SOX5: variants seen among roughly 807,000 people sequenced by gnomAD.
SOX5 encodes the protein transcription factor SOX-5.
In SOX5, 9 loss-of-function variants were observed where a neutral mutation model predicts 92.0. The ratio of observed to expected loss-of-function variants is 0.10; its 90% CI spans 0.06 to 0.17. The LOEUF is 0.17. Ranked by LOEUF, SOX5 falls within the 10% of genes least tolerant of loss-of-function variation. The pLI, the probability that SOX5 is intolerant of heterozygous loss-of-function variation, is 1.00. For synonymous variants in SOX5, 344 were observed against 336.3 expected, an observed-to-expected ratio of 1.02 and a Z score of -0.25; for missense variants, 642 against 944.5, an observed-to-expected ratio of 0.68 and a Z score of 4.20.
chr12:23,611,511 T>C (rs1381723468), intron 8 of SOX5, among the ~76,000 whole-genome samples: 1 of 152,094 alleles, frequency 6.6e-6, no homozygotes, highest in African/African-American at 2.4e-5. Context: ...AGTACAGATA[T>C]CTCTTCAACA....
intron 3 of SOX5, among the ~76,000 whole-genome samples, chr12:24,249,093 C>A (rs1053749626): frequency 6.6e-6 from 1 of 152,194 alleles, no homozygotes; most frequent in Admixed American, 6.5e-5. Flanking sequence ...TAATATTTAT[C>A]CTGAAGCAGT....
At chr12:24,003,608 C>A (rs1036550760) in intron 4 of SOX5, among the ~76,000 whole-genome samples, 1 of 151,930 alleles carries the variant, frequency 6.6e-6, no homozygotes, top group Non-Finnish European at 1.5e-5. Flanking sequence ...TCGTACAAGA[C>A]TTGTATGCTG....
At chr12:24,038,161 A>G (rs1956218077) in intron 4 of SOX5, among the ~76,000 whole-genome samples, 1 of 152,204 alleles carries the variant, frequency 6.6e-6, no homozygotes, top group African/African-American at 2.4e-5. Context: ...TAGAGATAAA[A>G]GAGTCCCAAA....
chr12:24,404,890 T>C (rs1962561731), intron 1 of SOX5, among the ~76,000 whole-genome samples: 1 of 152,120 alleles, frequency 6.6e-6, no homozygotes, highest in Non-Finnish European at 1.5e-5. Flanking sequence ...GTCATTCTTG[T>C]GGGCCTTAAT....
chr12:24,163,046 G>A (rs923902023), intron 4 of SOX5, among the ~76,000 whole-genome samples: 5 of 152,124 alleles, frequency 3.3e-5, no homozygotes, highest in African/African-American at 4.8e-5. Flanking sequence ...CCCTAAGGAC[G>A]TAAGCTGGAG....
At chr12:24,185,047 A>G (rs1416442042) in intron 4 of SOX5, among the ~76,000 whole-genome samples, 1 of 152,060 alleles carries the variant, frequency 6.6e-6, no homozygotes, top group Non-Finnish European at 1.5e-5. Flanking sequence ...AAGAAAGACA[A>G]CAGCATTGAC....
chr12:23,751,208 C>T (rs1231255477), intron 4 of SOX5, among the ~76,000 whole-genome samples: 1 of 151,834 alleles, frequency 6.6e-6, no homozygotes, highest in African/African-American at 2.4e-5. Flanking sequence ...CCAGATCCAA[C>T]AGTTCTCTCA....
intron 2 of SOX5, among the ~76,000 whole-genome samples, chr12:23,854,823 G>A (rs912709231): frequency 3.3e-5 from 5 of 151,828 alleles, no homozygotes; most frequent in Non-Finnish European, 5.9e-5. Context: ...TGCAAAATGG[G>A]GATAATATTA....
At chr12:24,067,618 G>A (rs1024190126) in intron 4 of SOX5, among the ~76,000 whole-genome samples, 4 of 152,024 alleles carry the variant, frequency 2.6e-5, no homozygotes, top group African/African-American at 7.2e-5. Flanking sequence ...AAAATGGTAG[G>A]CGATACATGG....
In SOX5 at chr12:23,644,479, C is replaced by T. The variant is rs185270009; in HGVS notation, c.932-3582G>A. On this transcript the variant is annotated intron_variant, in intron 7 of 14. Coordinates refer to ENST00000451604, the MANE Select transcript of SOX5 (RefSeq NM_006940.6). ...ATCTGAATCAGAATTTAAATTTTAA[C>T]AAGAGCCCCAGATTATTTGTATGTG... Among the ~76,000 whole-genome samples the T allele has an allele frequency of 7.7e-4, 117 of 152,312 alleles. 1 individual carries two copies. The highest frequency in any genetic ancestry group is 2.6e-3 in the African/African-American group (109 of 41,564).
intron 6 of SOX5, among the ~76,000 whole-genome samples, chr12:23,702,316 G>C (rs1055164717): frequency 6.6e-6 from 1 of 152,000 alleles, no homozygotes; most frequent in Non-Finnish European, 1.5e-5. Flanking sequence ...TTATGCCTAA[G>C]TATATATTCA....
intron 2 of SOX5, among the ~76,000 whole-genome samples, chr12:24,289,804 T>C (rs1006325931): frequency 6.6e-6 from 1 of 152,222 alleles, no homozygotes; most frequent in Admixed American, 6.5e-5. Context: ...TATCTTCCTG[T>C]AGAGCAAAAG....
intron 1 of SOX5, among the ~76,000 whole-genome samples, chr12:24,494,616 T>G (rs1947431363): frequency 6.6e-6 from 1 of 152,108 alleles, no homozygotes; most frequent in African/African-American, 2.4e-5. Context: ...TCCCTGGAAG[T>G]AATGTGGTTT....
chr12:24,189,564 T>G (rs1215434423), intron 4 of SOX5, among the ~76,000 whole-genome samples: 1 of 152,184 alleles, frequency 6.6e-6, no homozygotes, highest in Non-Finnish European at 1.5e-5. Context: ...AACATCCAAT[T>G]ATTTCTCAGT....
intron 1 of SOX5, among the ~76,000 whole-genome samples, chr12:23,913,124 C>A (rs925165896): frequency 6.6e-6 from 1 of 152,088 alleles, no homozygotes; most frequent in African/African-American, 2.4e-5. Context: ...AGTGGCTGAA[C>A]TAGAATTTGG....
At position 23,533,715 on chromosome 12, in the gene SOX5, A is replaced by C. The variant is rs1028075130; in HGVS notation, c.*504T>G. 2.0e-5 allele frequency: 3 copies of C among 152,536 alleles called. No individual in the cohort carries two copies. Among genetic ancestry groups the C allele is most frequent in the African/African-American group, 7.2e-5 (3 of 41,440 alleles). The allele number at this position is 152,536 out of a possible 1,614,324, so 9.4% of individuals were successfully genotyped here. A position where few individuals can be genotyped will look rare whatever the true frequency, so the allele number is the denominator to read the frequency against. On this transcript the variant is annotated 3_prime_UTR_variant, in exon 15 of 15. Coordinates refer to ENST00000451604, the MANE Select transcript of SOX5 (RefSeq NM_006940.6). ...TTCTTTTTTTTCTGTCAGGTGCATT[A>C]CAAAGAAAAAAAATGAAAGGAAAGA...
chr12:23,619,018 C>T (rs1466295951), intron 8 of SOX5, among the ~76,000 whole-genome samples: 1 of 152,094 alleles, frequency 6.6e-6, no homozygotes, highest in Non-Finnish European at 1.5e-5. Context: ...ACCACAAAGT[C>T]ACTTAAGTTT....
intron 2 of SOX5, among the ~76,000 whole-genome samples, chr12:24,302,989 C>T (rs1425764069): frequency 6.6e-6 from 1 of 151,792 alleles, no homozygotes; most frequent in Non-Finnish European, 1.5e-5. Context: ...CAAAAAATTG[C>T]ACCAAATTTA....
intron 1 of SOX5, among the ~76,000 whole-genome samples, chr12:24,514,464 C>T (rs1949595341): frequency 6.6e-6 from 1 of 152,090 alleles, no homozygotes; most frequent in Non-Finnish European, 1.5e-5. Flanking sequence ...AAAATTTACC[C>T]ATATATGTTA....
Sources: allele counts gnomAD v4.1 joint callset (sites outside exome capture counted in the v4.1 genomes callset), GRCh38; gene constraint gnomAD v4.1.1; transcripts MANE v1.5; gene names NCBI Gene and HGNC (gene_info 2026-07-23, HGNC 2026-07-21).